The following TOX2 variants were observed in gnomAD, a reference collection of about 807,000 sequenced individuals.
The protein encoded by TOX2 is TOX high mobility group box family member 2, also known as granulosa cell HMG box 1.
A neutral mutation model predicts 47.4 loss-of-function variants in TOX2; 15 were observed. The ratio of observed to expected loss-of-function variants is 0.32; its 90% CI spans 0.21 to 0.49. TOX2 has a LOEUF of 0.49. TOX2 is among the 20% of genes least tolerant of loss of function. The probability of loss-of-function intolerance (pLI) is 0.99; values close to 1 mark genes in which losing one functional copy is unlikely to be tolerated. For missense variants in TOX2, 622 were observed against 673.1 expected (o/e 0.92, Z 0.84); for synonymous variants, 290 against 296.6 (o/e 0.98, Z 0.23).
rs1240979062 is a variant in TOX2 at position 44,068,824 on chromosome 20, TGA to T, written c.*140_*141del. 7.5e-6 allele frequency: 9 copies of T among 1,194,844 alleles called. No homozygotes were observed. In the East Asian group the frequency reaches 1.5e-4, roughly 20 times the overall value. 74.0% of individuals were successfully genotyped at this position (1,194,844 alleles called of 1,614,324 possible). A position where few individuals can be genotyped will look rare whatever the true frequency, so the allele number is the denominator to read the frequency against. Reference sequence around the variant, plus strand: ...AGTGACACACCCATTGCCCGGGGGCTGAGTCTCTTCCTCAACCTCCCACCAGA... The same window carrying T: ...AGTGACACACCCATTGCCCGGGGGCTGTCTCTTCCTCAACCTCCCACCAGA... On this transcript the variant is annotated 3_prime_UTR_variant, in exon 9 of 9. Coordinates refer to ENST00000341197, the MANE Select transcript of TOX2 (RefSeq NM_001098797.2).
At chr20:44,028,444 C>T (rs562648960) in intron 3 of TOX2, among the ~76,000 whole-genome samples, 3 of 152,328 alleles carry the variant, frequency 2.0e-5, no homozygotes, top group South Asian at 2.1e-4. Flanking sequence ...CTCGCTGCAG[C>T]GCTTAGAGCT....
rs16988565 is a variant in TOX2 at position 43,973,325 on chromosome 20, G to A, written c.100-42G>A. 10,826 of 1,601,434 alleles carry A rather than the reference G, an allele frequency of 6.8e-3. 579 individuals carry two copies. In the African/African-American group the frequency reaches 0.12, roughly 18 times the overall value. On this transcript the variant is annotated intron_variant, in intron 1 of 8. Coordinates refer to ENST00000341197, the MANE Select transcript of TOX2 (RefSeq NM_001098797.2). ...TGCTTCTCCTGGTGCCTTCCTGAGAGCATTTTAATCAGAGCTGCTTCTCCC... is the reference window on the plus strand; with the variant it reads ...TGCTTCTCCTGGTGCCTTCCTGAGAACATTTTAATCAGAGCTGCTTCTCCC...
At chr20:43,994,200 C>T (rs559004444) in intron 2 of TOX2, among the ~76,000 whole-genome samples, 9 of 151,954 alleles carry the variant, frequency 5.9e-5, no homozygotes, top group Admixed American at 3.3e-4. Context: ...CACGGTGGCT[C>T]ATGCCTATAC....
At chr20:43,928,640 C>T (rs1199534312) in intron 1 of TOX2, among the ~76,000 whole-genome samples, 20 of 152,204 alleles carry the variant, frequency 1.3e-4, no homozygotes, top group Admixed American at 1.2e-3. Flanking sequence ...TTCTGTCTGA[C>T]GCTCTGTCAA....
intron 1 of TOX2, among the ~76,000 whole-genome samples, chr20:43,952,568 CTTT>C (rs1013126784): frequency 2.6e-5 from 4 of 152,156 alleles, no homozygotes; most frequent in African/African-American, 9.7e-5. Flanking sequence ...CTCAAGTTTG[CTTT>C]TTTATACTTC....
chr20:44,017,663 T>C (rs1170369373), intron 3 of TOX2, among the ~76,000 whole-genome samples: 1 of 152,226 alleles, frequency 6.6e-6, no homozygotes, highest in African/African-American at 2.4e-5. Context: ...TAACATTTAT[T>C]TAGCAGTTAC....
intron 2 of TOX2, among the ~76,000 whole-genome samples, chr20:43,988,606 T>G (rs570523889): frequency 6.6e-6 from 1 of 152,246 alleles, no homozygotes; most frequent in Non-Finnish European, 1.5e-5. Flanking sequence ...GTTTATTTGC[T>G]TAATGGCTGC....
chr20:43,994,655 C>A (rs374830078), intron 2 of TOX2, among the ~76,000 whole-genome samples: 2 of 152,260 alleles, frequency 1.3e-5, no homozygotes, highest in East Asian at 3.9e-4. Context: ...CAAACCCACC[C>A]ACCAATCATG....
In TOX2 at chr20:44,069,366, C is replaced by T. The variant is rs546783816; in HGVS notation, c.*680C>T. 3 of 165,220 alleles carry T rather than the reference C, an allele frequency of 1.8e-5. No homozygotes were observed. The highest frequency in any genetic ancestry group is 4.8e-5 in the African/African-American group (2 of 41,734). 10.2% of individuals were successfully genotyped at this position (165,220 alleles called of 1,614,324 possible). On this transcript the variant is annotated 3_prime_UTR_variant, in exon 9 of 9. Coordinates refer to ENST00000341197, the MANE Select transcript of TOX2 (RefSeq NM_001098797.2). ...AGGACCGGACGCTTGCTAGCCACCC[C>T]GGAGCACTGCTCTCCTTTTAATCAT...
intron 1 of TOX2, among the ~76,000 whole-genome samples, chr20:43,921,161 G>A (rs576781548): frequency 7.9e-5 from 12 of 152,296 alleles, no homozygotes; most frequent in African/African-American, 2.9e-4. Flanking sequence ...AAGTGGGCTC[G>A]GAGGACAGAG....
chr20:43,970,996 A>T (rs1018329536), intron 1 of TOX2, among the ~76,000 whole-genome samples: 2 of 152,124 alleles, frequency 1.3e-5, no homozygotes, highest in Non-Finnish European at 2.9e-5. Context: ...CTAGGCATGG[A>T]AGAACCTTTT....
chr20:44,053,511 C>A, intron 4 of TOX2, among the ~76,000 whole-genome samples: 1 of 142,250 alleles, frequency 7.0e-6, no homozygotes, highest in African/African-American at 2.7e-5. Flanking sequence ...CATATATATA[C>A]TATATATACA....
intron 1 of TOX2, among the ~76,000 whole-genome samples, chr20:43,946,645 G>A (rs771238737): frequency 2.0e-5 from 3 of 152,180 alleles, no homozygotes; most frequent in Admixed American, 6.5e-5. Context: ...GGATCTCTAC[G>A]CAGCATACTT....
intron 2 of TOX2, among the ~76,000 whole-genome samples, chr20:44,003,824 G>A (rs1289850030): frequency 6.6e-6 from 1 of 152,124 alleles, no homozygotes; most frequent in Non-Finnish European, 1.5e-5. Flanking sequence ...GTGGTTAGAG[G>A]GGTGGTGGGG....
At chr20:43,949,504 G>C (rs576100231) in intron 1 of TOX2, among the ~76,000 whole-genome samples, 1 of 152,244 alleles carries the variant, frequency 6.6e-6, no homozygotes, top group African/African-American at 2.4e-5. Flanking sequence ...ATACCCACCT[G>C]GGGGAGCTGG....
chr20:43,949,987 A>G (rs1346292777), intron 1 of TOX2, among the ~76,000 whole-genome samples: 1 of 151,726 alleles, frequency 6.6e-6, no homozygotes, highest in African/African-American at 2.4e-5. Flanking sequence ...GGATCCTCAA[A>G]CTGGTTTGAT....
chr20:43,968,213 C>T (rs1025411009), intron 1 of TOX2, among the ~76,000 whole-genome samples: 2 of 152,218 alleles, frequency 1.3e-5, no homozygotes, highest in Non-Finnish European at 2.9e-5. Flanking sequence ...TCCTTTCCAT[C>T]CATTCATCTA....
chr20:44,001,413 G>T (rs1569082349), intron 2 of TOX2, among the ~76,000 whole-genome samples: 2 of 152,212 alleles, frequency 1.3e-5, no homozygotes, highest in Non-Finnish European at 2.9e-5. Context: ...AGGACAAGTT[G>T]TTTAGTGTTC....
At chr20:43,976,173 T>G (rs1374777056) in intron 2 of TOX2, among the ~76,000 whole-genome samples, 2 of 152,234 alleles carry the variant, frequency 1.3e-5, no homozygotes, top group African/African-American at 2.4e-5. Flanking sequence ...CAAAACTTAG[T>G]GGCTTAAAAC....
Sources: allele counts gnomAD v4.1 joint callset (sites outside exome capture counted in the v4.1 genomes callset), GRCh38; gene constraint gnomAD v4.1.1; transcripts MANE v1.5; gene names NCBI Gene and HGNC (gene_info 2026-07-23, HGNC 2026-07-21).